The following EPAS1 variants were observed in gnomAD, a reference collection of about 807,000 sequenced individuals.
EPAS1 encodes endothelial PAS domain protein 1, also known as endothelial PAS domain-containing protein 1.
A neutral mutation model predicts 87.9 loss-of-function variants in EPAS1; 23 were observed. That is an observed-to-expected ratio of 0.26 (90% CI 0.19 to 0.37). The LOEUF (loss-of-function observed/expected upper bound fraction) is 0.37, where lower values mean the gene tolerates loss of function less well. EPAS1 is among the 10% of genes least tolerant of loss of function. The pLI is 1.00. For missense variants in EPAS1, 1,138 were observed against 1,120.7 expected (o/e 1.02, Z -0.22); for synonymous variants, 508 against 444.3 (o/e 1.14, Z -1.80).
At chr2:46,367,650 G>T (rs1203154931) in intron 6 of EPAS1, among the ~76,000 whole-genome samples, 1 of 152,250 alleles carries the variant, frequency 6.6e-6, no homozygotes, top group Non-Finnish European at 1.5e-5. Flanking sequence ...CGACGGGACA[G>T]ATCCTTCTGC....
At chr2:46,312,220 CCTT>C (rs773004686) in intron 1 of EPAS1, among the ~76,000 whole-genome samples, 3 of 152,160 alleles carry the variant, frequency 2.0e-5, no homozygotes, top group Non-Finnish European at 4.4e-5. Flanking sequence ...TCCCGAGTCA[CCTT>C]CTCTTTTTTT....
At chr2:46,377,234 C>T (rs1222104568) in intron 9 of EPAS1, among the ~76,000 whole-genome samples, 3 of 152,330 alleles carry the variant, frequency 2.0e-5, no homozygotes, top group Middle Eastern at 3.4e-3. Context: ...TGGGATTAAG[C>T]CCTCAAACCC....
At chr2:46,318,417 G>A (rs932637958) in intron 1 of EPAS1, among the ~76,000 whole-genome samples, 1 of 152,164 alleles carries the variant, frequency 6.6e-6, no homozygotes, top group Non-Finnish European at 1.5e-5. Flanking sequence ...TATGAAGTGA[G>A]CACATACTAT....
Position 46,366,436 on chromosome 2 carries a change from C to G in EPAS1, c.780-3391C>G, listed in dbSNP as rs1443412640. Among the ~76,000 whole-genome samples the G allele has an allele frequency of 2.6e-5, 4 of 152,322 alleles. No homozygotes were observed. The East Asian group carries it at 7.7e-4, about 29-fold the overall frequency. ...TAACACCAACTTCAGAATTTAACAACCCCCTTTAAAGCTGTATTTTCTATT... is the reference window on the plus strand; with the variant it reads ...TAACACCAACTTCAGAATTTAACAAGCCCCTTTAAAGCTGTATTTTCTATT... On this transcript the variant is annotated intron_variant, in intron 6 of 15. Transcript: ENST00000263734.
Position 46,360,552 on chromosome 2 carries a change from G to A in EPAS1, c.455-86G>A, listed in dbSNP as rs1023662517. ...ATTTGGAAAATATAAACAATAGGCT[G>A]CCAAGAAAAACTGCAGCTGGGCCCC... On this transcript the variant is annotated intron_variant, in intron 4 of 15. Transcript: ENST00000263734. The surrounding 1 kb of genome is among the most constrained non-coding windows in gnomAD (Gnocchi z 4.5). 3.5e-5 allele frequency: 41 copies of A among 1,178,328 alleles called. No individual in the cohort carries two copies. Among genetic ancestry groups the A allele is most frequent in the Non-Finnish European group, 5.2e-5 (41 of 783,458 alleles). The allele number at this position is 1,178,328 out of a possible 1,614,324, so 73.0% of individuals were successfully genotyped here.
rs1363962008 is a variant in EPAS1 at position 46,378,602 on chromosome 2, C to A, written c.1444-55C>A. ...GTATTTCTTCTTCCATGCTGGACTTCTGGGGAGACCAGTGCCATATCTTTG... is the reference window on the plus strand; with the variant it reads ...GTATTTCTTCTTCCATGCTGGACTTATGGGGAGACCAGTGCCATATCTTTG... On this transcript the variant is annotated intron_variant, in intron 10 of 15. Transcript: ENST00000263734. 20 of 1,487,244 alleles carry A rather than the reference C, an allele frequency of 1.3e-5. No homozygotes were observed. The Admixed American group carries it at 2.8e-4, about 21-fold the overall frequency. 92.1% of individuals were successfully genotyped at this position (1,487,244 alleles called of 1,614,324 possible).
chr2:46,327,287 C>G (rs1683582138), intron 1 of EPAS1, among the ~76,000 whole-genome samples: 1 of 152,102 alleles, frequency 6.6e-6, no homozygotes, highest in Non-Finnish European at 1.5e-5. Flanking sequence ...GGTCCCTGGC[C>G]TCAAGGAGCT....
At position 46,380,752 on chromosome 2, in the gene EPAS1, C is replaced by G. The variant is rs372918157; in HGVS notation, c.2045+35C>G. The stretch of plus-strand genomic sequence containing the variant: ...AGATACTCAGCTGTACCAGCAGGGC[C>G]GAACCGAGAGGCACCCACTAGTAAG... On this transcript the variant is annotated intron_variant, in intron 12 of 15. Coordinates refer to ENST00000263734, the MANE Select transcript of EPAS1 (RefSeq NM_001430.5). This position sits in a 1 kb window ranked among gnomAD's most constrained non-coding sequence, Gnocchi z 4.4. 4.4e-6 allele frequency: 7 copies of G among 1,602,118 alleles called. No individual in the cohort carries two copies. The Admixed American group carries it at 1.2e-4, about 27-fold the overall frequency.
At position 46,384,933 on chromosome 2, in the gene EPAS1, A is replaced by ATTTTTTTTTTTTTTTT. The variant is rs1553398844; in HGVS notation, c.*276_*277insTTTTTTTTTTTTTTTT. On this transcript the variant is annotated 3_prime_UTR_variant, in exon 16 of 16. Transcript: ENST00000263734. ...TCCTCCCCACCTTCAATGACTTCTA[A>ATTTTTTTTTTTTTTTT]TTTATATTATCCATAGGTTTCTCTC... 2.1e-6 allele frequency: 1 copy of ATTTTTTTTTTTTTTTT among 481,016 alleles called. No individual in the cohort carries two copies. Among genetic ancestry groups the ATTTTTTTTTTTTTTTT allele is most frequent in the Non-Finnish European group, 3.8e-6 (1 of 262,482 alleles). The allele number at this position is 481,016 out of a possible 1,614,324, so 29.8% of individuals were successfully genotyped here. A position where few individuals can be genotyped will look rare whatever the true frequency, so the allele number is the denominator to read the frequency against.
chr2:46,336,256 A>G (rs1243620668), intron 1 of EPAS1, among the ~76,000 whole-genome samples: 2 of 152,198 alleles, frequency 1.3e-5, no homozygotes, highest in African/African-American at 4.8e-5. Context: ...GGTTCCACTG[A>G]AGGATACACG....
chr2:46,344,900 T>G (rs1414707471), intron 1 of EPAS1, among the ~76,000 whole-genome samples: 1 of 152,284 alleles, frequency 6.6e-6, no homozygotes, highest in Non-Finnish European at 1.5e-5. Flanking sequence ...GTCTGTCTTT[T>G]TAAATGAAGT....
chr2:46,321,696 G>A lies in EPAS1; in HGVS notation c.26+23759G>A, dbSNP rs7575287. Among the ~76,000 whole-genome samples the A allele has an allele frequency of 7.4e-3, 738 of 99,284 alleles. 5 individuals carry two copies. The highest frequency in any genetic ancestry group is 0.026 in the African/African-American group (693 of 26,224). The allele number at this position is 99,284 out of a possible 152,430, so 65.1% of individuals were successfully genotyped here. On this transcript the variant is annotated intron_variant, in intron 1 of 15. Coordinates refer to ENST00000263734, the MANE Select transcript of EPAS1 (RefSeq NM_001430.5). ...GTTCCTTGCCCCCCACCCCACCCCC[G>A]CACCCCCACAACAGCCTGTGTGGGA...
intron 1 of EPAS1, among the ~76,000 whole-genome samples, chr2:46,315,703 A>G (rs901834611): frequency 1.3e-5 from 2 of 152,124 alleles, no homozygotes; most frequent in Non-Finnish European, 2.9e-5. Context: ...GCTCACTCAC[A>G]CTGCTGGACC....
chr2:46,312,633 G>A (rs1370079976), intron 1 of EPAS1, among the ~76,000 whole-genome samples: 1 of 152,184 alleles, frequency 6.6e-6, no homozygotes, highest in Non-Finnish European at 1.5e-5. Context: ...GGCAGCCTTA[G>A]GAAAAGCTAG....
At chr2:46,325,914 C>T (rs1168695327) in intron 1 of EPAS1, among the ~76,000 whole-genome samples, 1 of 152,150 alleles carries the variant, frequency 6.6e-6, no homozygotes, top group Non-Finnish European at 1.5e-5. Context: ...CATTTAAATC[C>T]TGAAGAGGGA....
In EPAS1 at chr2:46,338,711, G is replaced by C. The variant is rs113183279; in HGVS notation, c.27-8162G>C. Among the ~76,000 whole-genome samples, 933 of 152,344 alleles carry C rather than the reference G, an allele frequency of 6.1e-3. 7 individuals are homozygous for C. Among genetic ancestry groups the C allele is most frequent in the African/African-American group, 0.021 (888 of 41,578 alleles). On this transcript the variant is annotated intron_variant, in intron 1 of 15. Transcript: ENST00000263734. ...GTCTTCTCTTCAGATGCTTTGACCT[G>C]CGTATGCATGAGGAAGAGAAGCAGC...
intron 1 of EPAS1, among the ~76,000 whole-genome samples, chr2:46,340,354 G>A (rs966169079): frequency 6.6e-6 from 1 of 152,188 alleles, no homozygotes; most frequent in African/African-American, 2.4e-5. Flanking sequence ...GACACAGACC[G>A]TTAGAGTAGG....
intron 1 of EPAS1, among the ~76,000 whole-genome samples, chr2:46,305,609 A>G (rs1248665448): frequency 1.3e-5 from 2 of 152,182 alleles, no homozygotes; most frequent in African/African-American, 4.8e-5. Flanking sequence ...CCCCATTGAA[A>G]CATATGTTTA....
chr2:46,371,433 CAG>C lies in EPAS1; in HGVS notation c.886+1504_886+1505del, dbSNP rs1177414459. Among the ~76,000 whole-genome samples the C allele has an allele frequency of 6.6e-6, 1 of 152,156 alleles. No homozygotes were observed. The highest frequency in any genetic ancestry group is 1.5e-5 in the Non-Finnish European group (1 of 68,032). ...TACAACAGGGCCCATTATGATATCT[CAG>C]AGAAGTTTCTCACTGTGCTCTCTGG... On this transcript the variant is annotated intron_variant, in intron 7 of 15. Coordinates refer to ENST00000263734, the MANE Select transcript of EPAS1 (RefSeq NM_001430.5). This position sits in a 1 kb window ranked among gnomAD's most constrained non-coding sequence, Gnocchi z 4.3.
Sources: gnomAD v4.1 joint callset for allele counts (sites outside exome capture counted in the v4.1 genomes callset) on GRCh38, gnomAD v4.1.1 for gene constraint, Gnocchi (gnomAD v3.1) non-coding constraint, MANE v1.5 for transcripts, NCBI Gene and HGNC (gene_info 2026-07-23, HGNC 2026-07-21) for gene names.